The following ESR1 variants were observed in gnomAD, a reference collection of about 807,000 sequenced individuals.
The protein encoded by ESR1 is estrogen receptor.
ESR1 carries 12 observed loss-of-function variants against 52.7 expected under a neutral mutation model. That is an observed-to-expected ratio of 0.23 (90% CI 0.15 to 0.37). The LOEUF is 0.37. ESR1 is among the 10% of genes least tolerant of loss of function. The probability of loss-of-function intolerance (pLI) is 1.00; values close to 1 mark genes in which losing one functional copy is unlikely to be tolerated. For missense variants in ESR1, 584 were observed against 779.7 expected, an observed-to-expected ratio of 0.75 and a Z score of 2.99; for synonymous variants, 305 against 316.8, an observed-to-expected ratio of 0.96 and a Z score of 0.39.
At chr6:152,106,304 A>G (rs1178817229), downstream of ESR1, among the ~76,000 whole-genome samples, 1 of 152,210 alleles carries the variant, frequency 6.6e-6, no homozygotes, top group Non-Finnish European at 1.5e-5. Flanking sequence ...TGAGAAAAAA[A>G]TTTATGGACT....
intron 2 of ESR1, among the ~76,000 whole-genome samples, chr6:151,718,029 C>A (rs1781182324): frequency 6.6e-6 from 1 of 152,146 alleles, no homozygotes; most frequent in Non-Finnish European, 1.5e-5. Context: ...TATCACCTAA[C>A]CAGCCTCTGG....
intron 3 of ESR1, among the ~76,000 whole-genome samples, chr6:151,916,335 GGT>G (rs2030179819): frequency 6.6e-6 from 1 of 152,106 alleles, no homozygotes; most frequent in Admixed American, 6.5e-5. Context: ...TGAAGACATT[GGT>G]TCAATTCAAT....
intron 2 of ESR1, among the ~76,000 whole-genome samples, chr6:151,740,562 G>C (rs1218530040): frequency 6.6e-6 from 1 of 151,854 alleles, no homozygotes; most frequent in Non-Finnish European, 1.5e-5. Flanking sequence ...CCTCTGTCTT[G>C]AGCTTTTCTT....
upstream of ESR1, among the ~76,000 whole-genome samples, chr6:151,689,778 A>G (rs1374686061): frequency 3.3e-5 from 5 of 152,170 alleles, no homozygotes; most frequent in Admixed American, 3.3e-4. Flanking sequence ...AAAAGAGAAA[A>G]TATTTTTAAA....
chr6:152,093,954 C>T (rs760651692), intron 6 of ESR1, among the ~76,000 whole-genome samples: 6 of 152,124 alleles, frequency 3.9e-5, no homozygotes, highest in Non-Finnish European at 7.4e-5. Flanking sequence ...ACCTACTATC[C>T]GAGTTCCCTA....
intron 3 of ESR1, among the ~76,000 whole-genome samples, chr6:151,927,443 A>G (rs2032927655): frequency 1.3e-5 from 2 of 152,320 alleles, no homozygotes; most frequent in Admixed American, 6.5e-5. Context: ...ATTTGTTAGA[A>G]GTAATCTTGC....
At chr6:151,888,264 A>T (rs980901860) in intron 3 of ESR1, among the ~76,000 whole-genome samples, 1 of 152,136 alleles carries the variant, frequency 6.6e-6, no homozygotes, top group Non-Finnish European at 1.5e-5. Flanking sequence ...TGTCATATGG[A>T]TATTTTTAAC....
chr6:151,856,570 C>T (rs1296025253), intron 2 of ESR1, among the ~76,000 whole-genome samples: 1 of 149,770 alleles, frequency 6.7e-6, no homozygotes, highest in African/African-American at 2.5e-5. Context: ...CTTTGGCCAG[C>T]TTTTATCAAT....
intron 4 of ESR1, among the ~76,000 whole-genome samples, chr6:152,003,207 TC>T: frequency 6.6e-6 from 1 of 152,028 alleles, no homozygotes; most frequent in East Asian, 1.9e-4. Context: ...CATCCTCAAA[TC>T]TGAAAGTCTT....
At chr6:151,806,555 T>TAC (rs1554259044), upstream of ESR1, among the ~76,000 whole-genome samples, 42 of 142,678 alleles carry the variant, frequency 2.9e-4, no homozygotes, top group African/African-American at 9.1e-4. Context: ...TATATATATA[T>TAC]ATACACATAT....
chr6:151,883,880 G>A (rs1404558829), intron 3 of ESR1, among the ~76,000 whole-genome samples: 3 of 152,000 alleles, frequency 2.0e-5, no homozygotes, highest in East Asian at 1.9e-4. Context: ...TTCTTCTTAC[G>A]AAGACACCAG....
chr6:151,944,655 T>A, intron 4 of ESR1, 147 bp downstream of exon 4: 1 of 705,238 alleles, frequency 1.4e-6, no homozygotes, highest in Admixed American at 2.1e-5. Flanking sequence ...ATTTTCAGTA[T>A]CAATACACTG....
chr6:151,846,566 A>G (rs1218239101), intron 2 of ESR1, among the ~76,000 whole-genome samples: 1 of 152,178 alleles, frequency 6.6e-6, no homozygotes, highest in Non-Finnish European at 1.5e-5. Flanking sequence ...GTTACTTAAG[A>G]AGAGAGCTAG....
chr6:151,918,009 A>T (rs552042511), intron 3 of ESR1, among the ~76,000 whole-genome samples: 1 of 152,352 alleles, frequency 6.6e-6, no homozygotes, highest in South Asian at 2.1e-4. Flanking sequence ...CCCTGTGATT[A>T]TTCAGCAGTT....
intron 2 of ESR1, among the ~76,000 whole-genome samples, chr6:151,730,731 T>C (rs1347760394): frequency 6.6e-6 from 1 of 152,192 alleles, no homozygotes; most frequent in African/African-American, 2.4e-5. Flanking sequence ...ACTAGACTGC[T>C]TGTGCTTCCC....
At chr6:151,731,800 A>G (rs1782265614) in intron 2 of ESR1, among the ~76,000 whole-genome samples, 1 of 152,122 alleles carries the variant, frequency 6.6e-6, no homozygotes, top group African/African-American at 2.4e-5. Context: ...TACTACTTTC[A>G]TTTTGCAAGA....
chr6:151,982,209 G>A (rs995213105), intron 4 of ESR1, among the ~76,000 whole-genome samples: 3 of 152,222 alleles, frequency 2.0e-5, no homozygotes, highest in African/African-American at 7.2e-5. Flanking sequence ...GAAAAAGAGG[G>A]ATGAGACCTG....
chr6:151,844,092 C>A (rs1784723812), intron 2 of ESR1, among the ~76,000 whole-genome samples: 1 of 150,914 alleles, frequency 6.6e-6, no homozygotes, highest in South Asian at 2.1e-4. Flanking sequence ...CAATAGTAAT[C>A]TTTGTGTGTG....
chr6:151,686,383 G>A (rs1328571583), upstream of ESR1, among the ~76,000 whole-genome samples: 1 of 152,030 alleles, frequency 6.6e-6, no homozygotes, highest in Non-Finnish European at 1.5e-5. Context: ...TTATGCCTCT[G>A]CTATAAAAAC....
Sources: allele counts gnomAD v4.1 joint callset (sites outside exome capture counted in the v4.1 genomes callset), GRCh38; gene constraint gnomAD v4.1.1; transcripts MANE v1.5; gene names NCBI Gene and HGNC (gene_info 2026-07-23, HGNC 2026-07-21).